Variants in CCDC175 observed in about 807,000 individuals in gnomAD.
The protein encoded by CCDC175 is coiled-coil domain containing 175.
In CCDC175, 100 loss-of-function variants were observed where a neutral mutation model predicts 114.6. That is an observed-to-expected ratio of 0.87 (90% confidence interval 0.74 to 1.03). The LOEUF (loss-of-function observed/expected upper bound fraction) is 1.03, where lower values mean the gene tolerates loss of function less well. CCDC175 is among the 50% of genes least tolerant of loss of function. The probability of loss-of-function intolerance (pLI) is 0.00; values close to 1 mark genes in which losing one functional copy is unlikely to be tolerated. For missense variants in CCDC175, 880 were observed against 917.8 expected, an observed-to-expected ratio of 0.96 and a Z score of 0.53; for synonymous variants, 306 against 308.7, an observed-to-expected ratio of 0.99 and a Z score of 0.09.
chr14:59,570,985 C>A (rs78789042), intron 3 of CCDC175, among the ~76,000 whole-genome samples: 2 of 152,108 alleles, frequency 1.3e-5, no homozygotes, highest in Non-Finnish European at 2.9e-5. Flanking sequence ...TTGTGATCCA[C>A]CTGCCTCAGC....
intron 8 of CCDC175, among the ~76,000 whole-genome samples, chr14:59,548,411 T>G (rs1157354667): frequency 1.3e-5 from 2 of 152,190 alleles, no homozygotes; most frequent in African/African-American, 4.8e-5. Flanking sequence ...GCCCATAGTT[T>G]CTACCCTAGT....
chr14:59,527,489 C>A (rs1893814482), intron 14 of CCDC175, among the ~76,000 whole-genome samples: 1 of 152,174 alleles, frequency 6.6e-6, no homozygotes, highest in South Asian at 2.1e-4. Context: ...CCCACACCTA[C>A]AACCTCTATA....
At chr14:59,554,800 C>G (rs1375709362) in intron 7 of CCDC175, among the ~76,000 whole-genome samples, 8 of 152,148 alleles carry the variant, frequency 5.3e-5, no homozygotes, top group Admixed American at 5.2e-4. Context: ...ACCGATCCCA[C>G]AGAAATGCAA....
intron 7 of CCDC175, among the ~76,000 whole-genome samples, chr14:59,558,951 CATG>C (rs1896075164): frequency 6.6e-6 from 1 of 151,982 alleles, no homozygotes; most frequent in South Asian, 2.1e-4. Flanking sequence ...AATAAGAAAA[CATG>C]ATATTTAGGA....
chr14:59,538,196 G>A (rs1486524873), intron 12 of CCDC175, 42 bp from the exon 13 acceptor site: 22 of 1,488,622 alleles, frequency 1.5e-5, no homozygotes, highest in Non-Finnish European at 1.8e-5. Flanking sequence ...CTCTTGTAGT[G>A]ATCAGCCTTA....
chr14:59,537,941 G>T, intron 13 of CCDC175, 82 bp downstream of exon 13: 9 of 934,986 alleles, frequency 9.6e-6, no homozygotes, highest in South Asian at 7.8e-5. Context: ...ACATTTAACT[G>T]ATTAGAATAG....
intron 3 of CCDC175, among the ~76,000 whole-genome samples, chr14:59,569,736 TATCA>T (rs1896744429): frequency 6.6e-6 from 1 of 152,112 alleles, no homozygotes; most frequent in African/African-American, 2.4e-5. Context: ...AAACCCACTC[TATCA>T]GTCAGGGTCC....
chr14:59,561,426 A>T (rs183456449), intron 6 of CCDC175, among the ~76,000 whole-genome samples, 198 bp from the exon 7 acceptor site: 1 of 152,314 alleles, frequency 6.6e-6, no homozygotes, highest in African/African-American at 2.4e-5. Flanking sequence ...TCATCAGAAA[A>T]AAACAAAATT....
intron 13 of CCDC175, among the ~76,000 whole-genome samples, chr14:59,532,864 G>A (rs1480447799): frequency 6.6e-6 from 1 of 152,180 alleles, no homozygotes; most frequent in Admixed American, 6.5e-5. Context: ...ACCCCTTTGA[G>A]CATCTTCCCG....
At chr14:59,556,846 C>G (rs933958587) in intron 7 of CCDC175, among the ~76,000 whole-genome samples, 1 of 152,084 alleles carries the variant, frequency 6.6e-6, no homozygotes, top group African/African-American at 2.4e-5. Flanking sequence ...ATTTATGCAG[C>G]CAAAAGATAC....
At chr14:59,537,687 C>A (rs1894484139) in intron 13 of CCDC175, among the ~76,000 whole-genome samples, 1 of 152,122 alleles carries the variant, frequency 6.6e-6, no homozygotes, top group Admixed American at 6.6e-5. Flanking sequence ...TTTTAAAGAG[C>A]ACATCTGAGA....
At position 59,540,753 on chromosome 14, in the gene CCDC175, A is replaced by G; in HGVS notation, c.1284-7T>C. ...ATACACTGTTTTTGTTGCTCTAAAA[A>G]GAAAAACATATTGGATTTTGCATTT... is the stretch of plus-strand genomic sequence containing the variant. On this transcript the variant is annotated splice_region_variant and splice_polypyrimidine_tract_variant and intron_variant, in intron 10 of 19. Coordinates refer to ENST00000537690, the MANE Select transcript of CCDC175 (RefSeq NM_001164399.2). 3 of 1,531,456 alleles carry G rather than the reference A, an allele frequency of 2.0e-6. No individual in the cohort carries two copies. The South Asian group carries it at 3.6e-5, about 19-fold the overall frequency. 94.9% of individuals were successfully genotyped at this position (1,531,456 alleles called of 1,614,324 possible).
At chr14:59,516,908 C>A (rs4901935) in intron 17 of CCDC175, among the ~76,000 whole-genome samples, 69,569 of 151,482 alleles carry the variant, frequency 0.46, 18,260 homozygotes, top group East Asian at 0.81. Flanking sequence ...AACATTGATG[C>A]AAAAATCCTC....
intron 15 of CCDC175, among the ~76,000 whole-genome samples, chr14:59,526,888 T>C (rs77868958): frequency 0.12 from 17,775 of 152,210 alleles, 1,203 homozygotes; most frequent in African/African-American, 0.18. Context: ...TATATACACA[T>C]ACATACATAG....
intron 11 of CCDC175, among the ~76,000 whole-genome samples, chr14:59,539,764 A>C (rs931927888): frequency 6.6e-6 from 1 of 152,034 alleles, no homozygotes; most frequent in Non-Finnish European, 1.5e-5. Context: ...AAATACAAAA[A>C]TTAGCCGGGC....
intron 7 of CCDC175, among the ~76,000 whole-genome samples, chr14:59,553,243 C>A (rs554687504): frequency 6.6e-6 from 1 of 152,284 alleles, no homozygotes; most frequent in Non-Finnish European, 1.5e-5. Flanking sequence ...AAAGGGAAGC[C>A]CAGCAGATTA....
chr14:59,549,572 T>C (rs1452837149), intron 8 of CCDC175, among the ~76,000 whole-genome samples: 1 of 151,344 alleles, frequency 6.6e-6, no homozygotes, highest in African/African-American at 2.4e-5. Flanking sequence ...GTACAAAAAT[T>C]AGCCAGGTGT....
At chr14:59,574,878 C>A in intron 2 of CCDC175, 65 bp downstream of exon 2, 1 of 850,232 alleles carries the variant, frequency 1.2e-6, no homozygotes, top group Non-Finnish European at 1.8e-6. Context: ...AGAATTGGTG[C>A]GAAATGAAAG....
chr14:59,517,255 G>T (rs1216424497), intron 17 of CCDC175, among the ~76,000 whole-genome samples: 1 of 152,128 alleles, frequency 6.6e-6, no homozygotes, highest in African/African-American at 2.4e-5. Flanking sequence ...TTGGAAAACT[G>T]GTACAAGACA....
Sources: allele counts gnomAD v4.1 joint callset (sites outside exome capture counted in the v4.1 genomes callset), GRCh38; gene constraint gnomAD v4.1.1; transcripts MANE v1.5; gene names NCBI Gene and HGNC (gene_info 2026-07-23, HGNC 2026-07-21).